The following JMJD1C variants were observed in gnomAD, a reference collection of about 807,000 sequenced individuals.
JMJD1C encodes the protein jumonji domain containing 1C.
A neutral mutation model predicts 245.3 loss-of-function variants in JMJD1C; 31 were observed. That is an observed-to-expected ratio of 0.13 (90% CI 0.09 to 0.17). The LOEUF is 0.17. Ranked by LOEUF, JMJD1C falls within the 10% of genes least tolerant of loss-of-function variation. The pLI, the probability that JMJD1C is intolerant of heterozygous loss-of-function variation, is 1.00. For synonymous variants in JMJD1C, 1,057 were observed against 1,017.4 expected, an observed-to-expected ratio of 1.04 and a Z score of -0.74; for missense variants, 2,691 against 3,000.2, an observed-to-expected ratio of 0.90 and a Z score of 2.41.
intron 1 of JMJD1C, among the ~76,000 whole-genome samples, chr10:63,459,089 A>G (rs917332402): frequency 2.6e-5 from 4 of 152,214 alleles, no homozygotes; most frequent in Non-Finnish European, 5.9e-5. Context: ...GTAGTTAACT[A>G]TGGTAATATA....
intron 1 of JMJD1C, among the ~76,000 whole-genome samples, chr10:63,424,790 C>G (rs895008282): frequency 6.6e-6 from 1 of 152,072 alleles, no homozygotes; most frequent in Non-Finnish European, 1.5e-5. Flanking sequence ...AGCAAACTCT[C>G]GACACCAGAT....
rs1945475869 is a variant in JMJD1C at position 63,362,491 on chromosome 10, A to AT, written c.333+17826dup. ...TATTTATTTATATATATATTTATTT[A>AT]TTTTTTAAGACAGGGTCTCACTCTT... On this transcript the variant is annotated intron_variant, in intron 2 of 25. Transcript: ENST00000399262. Among the ~76,000 whole-genome samples, 13 of 151,000 alleles carry AT rather than the reference A, an allele frequency of 8.6e-5. No homozygotes were observed. In the South Asian group the frequency reaches 2.7e-3, roughly 31 times the overall value.
intron 2 of JMJD1C, among the ~76,000 whole-genome samples, chr10:63,265,132 T>A (rs1292022908): frequency 1.3e-5 from 2 of 151,926 alleles, no homozygotes; most frequent in East Asian, 1.9e-4. Flanking sequence ...CTTTTTTTTT[T>A]AACTGTATTA....
At chr10:63,375,175 A>C (rs1185892533) in intron 2 of JMJD1C, among the ~76,000 whole-genome samples, 2 of 136,062 alleles carry the variant, frequency 1.5e-5, no homozygotes, top group Non-Finnish European at 3.2e-5. Context: ...TCAACACATA[A>C]AAATTGGCTT....
Position 63,207,967 on chromosome 10 carries a change from C to T in JMJD1C, c.3702G>A (p.Pro1234=), listed in dbSNP as rs775733594. ...TACCACCAGCATTTACTGGCATCAC[C>T]GGAGTTAAAGTTGGAGGGGAAAGAC... ...YSSLSPPTLT[P]VMPVNAGGKV... The change falls in exon 10 of 26, where the codon CCG becomes CCA. Residue 1234 remains proline, a synonymous_variant. Transcript: ENST00000399262. 1.2e-5 allele frequency: 19 copies of T among 1,614,012 alleles called. No individual in the cohort carries two copies. The highest frequency in any genetic ancestry group is 2.2e-5 in the East Asian group (1 of 44,896).
intron 2 of JMJD1C, among the ~76,000 whole-genome samples, chr10:63,283,787 C>G (rs552182139): frequency 6.6e-6 from 1 of 152,080 alleles, no homozygotes; most frequent in South Asian, 2.1e-4. Context: ...CTGTATTCTA[C>G]TTGGCCTTGG....
At chr10:63,250,014 T>C (rs1424904484) in intron 3 of JMJD1C, among the ~76,000 whole-genome samples, 1 of 152,208 alleles carries the variant, frequency 6.6e-6, no homozygotes, top group African/African-American at 2.4e-5. Context: ...TTGATAATTT[T>C]TCTTTTTTTT....
chr10:63,304,313 T>C (rs755310606), intron 2 of JMJD1C, among the ~76,000 whole-genome samples: 2 of 152,138 alleles, frequency 1.3e-5, no homozygotes, highest in Non-Finnish European at 2.9e-5. Flanking sequence ...TAACAGAAGT[T>C]TGGGCATAAG....
intron 2 of JMJD1C, among the ~76,000 whole-genome samples, chr10:63,323,016 T>C (rs1378645160): frequency 2.0e-5 from 3 of 151,562 alleles, no homozygotes; most frequent in Non-Finnish European, 4.4e-5. Context: ...CATACATAGA[T>C]CTATATATGA....
At chr10:63,465,384 G>T in intron 1 of JMJD1C, 111 bp downstream of exon 1, 3 of 1,148,544 alleles carry the variant, frequency 2.6e-6, no homozygotes, top group South Asian at 3.1e-5. Context: ...AGAGGGGCGT[G>T]ACCGCCAGTT....
At chr10:63,284,774 A>G (rs1292866080) in intron 2 of JMJD1C, among the ~76,000 whole-genome samples, 16 of 151,866 alleles carry the variant, frequency 1.1e-4, no homozygotes, top group African/African-American at 3.9e-4. Context: ...CAGAGTTGTG[A>G]GTGGCCAGAG....
At chr10:63,431,290 G>A (rs949084445) in intron 1 of JMJD1C, among the ~76,000 whole-genome samples, 11 of 152,132 alleles carry the variant, frequency 7.2e-5, no homozygotes, top group African/African-American at 2.7e-4. Context: ...AATTATTGAG[G>A]AAGTTAAGAG....
intron 1 of JMJD1C, among the ~76,000 whole-genome samples, chr10:63,484,256 AGATAGATAGATAGATAAGAT>A (rs1257473283): frequency 2.1e-4 from 14 of 67,004 alleles, no homozygotes; most frequent in South Asian, 4.3e-4. Context: ...ATAGATAGAT[AGATAGATAGATAGATAAGAT>A]AGATAGATAA....
At chr10:63,394,607 G>A (rs1948331535) in intron 1 of JMJD1C, among the ~76,000 whole-genome samples, 1 of 152,160 alleles carries the variant, frequency 6.6e-6, no homozygotes, top group Non-Finnish European at 1.5e-5. Flanking sequence ...CACTTTGGGA[G>A]GCTGAGGCAG....
chr10:63,317,052 G>T (rs1246481936), intron 2 of JMJD1C, among the ~76,000 whole-genome samples: 1 of 151,758 alleles, frequency 6.6e-6, no homozygotes, highest in African/African-American at 2.4e-5. Context: ...AAGAGACGGG[G>T]TTTTGCCATG....
At chr10:63,380,750 G>A (rs940619180) in intron 1 of JMJD1C, among the ~76,000 whole-genome samples, 5 of 152,050 alleles carry the variant, frequency 3.3e-5, no homozygotes, top group African/African-American at 7.2e-5. Flanking sequence ...CTGTGCTATC[G>A]AACACTAGCA....
chr10:63,332,876 C>A (rs1350896431), intron 2 of JMJD1C, among the ~76,000 whole-genome samples: 1 of 152,084 alleles, frequency 6.6e-6, no homozygotes, highest in Non-Finnish European at 1.5e-5. Flanking sequence ...TGATCTATCA[C>A]GTGAAAGGCT....
At chr10:63,418,013 A>G (rs1175692510) in intron 1 of JMJD1C, among the ~76,000 whole-genome samples, 1 of 152,246 alleles carries the variant, frequency 6.6e-6, no homozygotes, top group African/African-American at 2.4e-5. Flanking sequence ...ACTGCATTAA[A>G]TATTTTCCAA....
At chr10:63,336,553 G>C (rs1320111953) in intron 2 of JMJD1C, among the ~76,000 whole-genome samples, 2 of 152,052 alleles carry the variant, frequency 1.3e-5, no homozygotes, top group Non-Finnish European at 2.9e-5. Context: ...GATCCCTAAA[G>C]CTATTTCCTA....
Sources: gnomAD v4.1 joint callset for allele counts (sites outside exome capture counted in the v4.1 genomes callset) on GRCh38, gnomAD v4.1.1 for gene constraint, MANE v1.5 for transcripts, NCBI Gene and HGNC (gene_info 2026-07-23, HGNC 2026-07-21) for gene names.